Variants in SPATA31H1 observed in about 807,000 individuals in gnomAD.
SPATA31H1 encodes the protein spermatogenesis-associated protein 31H1.
At chr2:27,555,677 T>A in the SPATA31H1 span, among the ~76,000 whole-genome samples, 1 of 151,892 alleles carries the variant, frequency 6.6e-6, no homozygotes, top group Admixed American at 6.6e-5. Flanking sequence ...AGATCTGGTC[T>A]CTAAAAGGAA....
the SPATA31H1 span, chr2:27,580,701 G>A: frequency 1.9e-6 from 3 of 1,614,188 alleles, no homozygotes; most frequent in Non-Finnish European, 2.5e-6. Context: ...GAAGCCTGTG[G>A]ACGGGACAAG....
chr2:27,541,530 G>C, the SPATA31H1 span, among the ~76,000 whole-genome samples: 8 of 151,964 alleles, frequency 5.3e-5, no homozygotes, highest in African/African-American at 1.9e-4. Context: ...TAAGTGCTCC[G>C]TAGTTGTTTG....
the SPATA31H1 span, among the ~76,000 whole-genome samples, chr2:27,538,774 T>C: frequency 2.0e-5 from 3 of 151,782 alleles, no homozygotes; most frequent in East Asian, 5.8e-4. Context: ...GAGGTTGCAG[T>C]GAGCTGAGAC....
At chr2:27,577,567 C>A in the SPATA31H1 span, 3 of 1,614,158 alleles carry the variant, frequency 1.9e-6, no homozygotes, top group Non-Finnish European at 2.5e-6. The surrounding 1 kb of genome is among the most constrained non-coding windows in gnomAD (Gnocchi z 4.5). Flanking sequence ...GGGGAAGAAT[C>A]TGTGGTATTG....
the SPATA31H1 span, chr2:27,579,281 G>A: frequency 1.2e-6 from 2 of 1,614,104 alleles, no homozygotes; most frequent in African/African-American, 1.3e-5. Flanking sequence ...GGACCACTAT[G>A]GAAAGGAAGC....
At chr2:27,559,339 C>T in the SPATA31H1 span, among the ~76,000 whole-genome samples, 1 of 152,192 alleles carries the variant, frequency 6.6e-6, no homozygotes. Flanking sequence ...AGCTGAAAGC[C>T]GGGGATATTA....
the SPATA31H1 span, chr2:27,581,392 G>A: frequency 1.2e-5 from 19 of 1,613,390 alleles, no homozygotes; most frequent in Admixed American, 1.8e-4. Context: ...AGAAGCTGGC[G>A]CAGTCCGTCT....
chr2:27,539,895 G>A, the SPATA31H1 span, among the ~76,000 whole-genome samples: 1 of 103,320 alleles, frequency 9.7e-6, no homozygotes, highest in African/African-American at 3.5e-5. Context: ...CCTCCCGGAT[G>A]GGGCGGCTGG....
At chr2:27,581,838 A>G in the SPATA31H1 span, 2 of 1,611,280 alleles carry the variant, frequency 1.2e-6, no homozygotes, top group African/African-American at 1.3e-5. Flanking sequence ...TCCCTCTGAG[A>G]GAAGCCATTG....
chr2:27,556,719 T>A, the SPATA31H1 span, among the ~76,000 whole-genome samples: 14 of 147,578 alleles, frequency 9.5e-5, no homozygotes, highest in East Asian at 1.4e-3. Context: ...TAATTTATTT[T>A]TTTTTTATTG....
the SPATA31H1 span, chr2:27,577,133 T>C: frequency 6.2e-7 from 1 of 1,614,004 alleles, no homozygotes; most frequent in Non-Finnish European, 8.5e-7. This position sits in a 1 kb window ranked among gnomAD's most constrained non-coding sequence, Gnocchi z 4.5. Context: ...AGCTAACAGG[T>C]AGAGCTAAGG....
At chr2:27,562,944 C>G in the SPATA31H1 span, among the ~76,000 whole-genome samples, 1 of 151,308 alleles carries the variant, frequency 6.6e-6, no homozygotes, top group South Asian at 2.1e-4. Context: ...GTTATTCCAA[C>G]CAAGAACTTG....
the SPATA31H1 span, chr2:27,578,707 G>A: frequency 6.2e-7 from 1 of 1,614,140 alleles, no homozygotes; most frequent in Admixed American, 1.7e-5. Context: ...TGTCAGAATA[G>A]GGACTGTCAG....
chr2:27,551,710 C>A, the SPATA31H1 span, among the ~76,000 whole-genome samples: 1 of 152,050 alleles, frequency 6.6e-6, no homozygotes, highest in African/African-American at 2.4e-5. Context: ...AGGCCTTCAA[C>A]TGATTGGGTG....
the SPATA31H1 span, chr2:27,572,831 T>A: frequency 2.5e-6 from 1 of 397,698 alleles, no homozygotes; most frequent in South Asian, 1.3e-4. Flanking sequence ...AACTTCAAAG[T>A]GTAACATCTA....
At chr2:27,578,566 C>T in the SPATA31H1 span, 32 of 1,613,640 alleles carry the variant, frequency 2.0e-5, no homozygotes, top group East Asian at 8.9e-5. Context: ...TTAACCTCAC[C>T]GCAAACATCT....
At chr2:27,571,250 G>A in the SPATA31H1 span, 1 of 398,288 alleles carries the variant, frequency 2.5e-6, no homozygotes, top group East Asian at 3.6e-5. Flanking sequence ...CGGGCTCAAA[G>A]CTTCAATCTG....
chr2:27,551,079 A>G, the SPATA31H1 span, among the ~76,000 whole-genome samples: 1 of 151,692 alleles, frequency 6.6e-6, no homozygotes, highest in Non-Finnish European at 1.5e-5. Context: ...TAGTAGAGAC[A>G]GGGTTTCATC....
At chr2:27,567,739 T>C in the SPATA31H1 span, 6 of 399,070 alleles carry the variant, frequency 1.5e-5, no homozygotes, top group Admixed American at 4.4e-5. Flanking sequence ...GAGAGGGTCA[T>C]AGGTTTTCCA....
Sources: gnomAD v4.1 joint callset for allele counts (sites outside exome capture counted in the v4.1 genomes callset) on GRCh38, gnomAD v4.1.1 for gene constraint, Gnocchi (gnomAD v3.1) non-coding constraint, MANE v1.5 for transcripts, NCBI Gene and HGNC (gene_info 2026-07-23, HGNC 2026-07-21) for gene names.